Variants in CACNA1E observed in about 807,000 individuals in gnomAD.
CACNA1E encodes the protein calcium voltage-gated channel subunit alpha1 E.
A neutral mutation model predicts 259.2 loss-of-function variants in CACNA1E; 40 were observed. The observed-to-expected ratio is 0.15, with a 90% CI of 0.12 to 0.20. The LOEUF is 0.20. Among genes scored for constraint, CACNA1E ranks in the 10% least tolerant of loss-of-function variants. The pLI, the probability that CACNA1E is intolerant of heterozygous loss-of-function variation, is 1.00. For missense variants in CACNA1E, 1,874 were observed against 3,040.1 expected (o/e 0.62, Z 9.02); for synonymous variants, 1,104 against 1,138.5 (o/e 0.97, Z 0.61).
intron 6 of CACNA1E, among the ~76,000 whole-genome samples, chr1:181,635,726 C>T (rs1013522575): frequency 2.0e-5 from 3 of 152,182 alleles, no homozygotes; most frequent in Admixed American, 1.3e-4. Flanking sequence ...AGAACAACTG[C>T]GCTAGACTAT....
At chr1:181,569,501 A>G (rs1650189743) in intron 3 of CACNA1E, among the ~76,000 whole-genome samples, 1 of 152,246 alleles carries the variant, frequency 6.6e-6, no homozygotes, top group Non-Finnish European at 1.5e-5. Flanking sequence ...AAAAAATAAA[A>G]TGAAGTAAAG....
chr1:181,394,088 AGG>A (rs1487200133), intron 1 of CACNA1E, among the ~76,000 whole-genome samples: 5 of 152,138 alleles, frequency 3.3e-5, no homozygotes, highest in Admixed American at 2.6e-4. Flanking sequence ...GTGGCTTCTC[AGG>A]GGACGGTTGG....
At chr1:181,428,736 G>C (rs752647793) in intron 2 of CACNA1E, among the ~76,000 whole-genome samples, 1 of 152,170 alleles carries the variant, frequency 6.6e-6, no homozygotes, top group Non-Finnish European at 1.5e-5. Flanking sequence ...AAGTTCCTTT[G>C]ATGGGGAGGA....
At chr1:181,724,324 G>C in intron 16 of CACNA1E, 146 bp from the exon 17 acceptor site, 1 of 632,802 alleles carries the variant, frequency 1.6e-6, no homozygotes. Flanking sequence ...CTCCCTCTCT[G>C]TTCTCACAGC....
chr1:181,410,552 T>TAGAC (rs1657773084), intron 1 of CACNA1E, among the ~76,000 whole-genome samples: 1 of 152,186 alleles, frequency 6.6e-6, no homozygotes, highest in Non-Finnish European at 1.5e-5. Context: ...CCCATCAGGC[T>TAGAC]TTATCATGTA....
chr1:181,412,551 C>G (rs1431915803), intron 1 of CACNA1E, among the ~76,000 whole-genome samples: 1 of 151,268 alleles, frequency 6.6e-6, no homozygotes, highest in Non-Finnish European at 1.5e-5. Flanking sequence ...GCCTGGGTGA[C>G]AGATCCTATC....
chr1:181,472,809 G>A (rs901898292), intron 2 of CACNA1E, among the ~76,000 whole-genome samples: 2 of 152,184 alleles, frequency 1.3e-5, no homozygotes, highest in African/African-American at 4.8e-5. Context: ...GTTAAACACC[G>A]TTCTAAATGG....
chr1:181,570,162 G>C (rs1338626776), intron 3 of CACNA1E, among the ~76,000 whole-genome samples: 4 of 148,684 alleles, frequency 2.7e-5, no homozygotes, highest in Non-Finnish European at 5.9e-5. Context: ...AACTGTAGTA[G>C]ACTTTTTTTT....
chr1:181,672,943 C>T (rs1648954205), intron 7 of CACNA1E, among the ~76,000 whole-genome samples: 1 of 152,052 alleles, frequency 6.6e-6, no homozygotes, highest in African/African-American at 2.4e-5. Context: ...TTAACTAGCT[C>T]ACGTATGGGG....
At chr1:181,373,624 G>A (rs1457089475) in intron 1 of CACNA1E, among the ~76,000 whole-genome samples, 1 of 145,336 alleles carries the variant, frequency 6.9e-6, no homozygotes, top group South Asian at 2.2e-4. Context: ...TGCAAGCTCC[G>A]CCTCCCGGGT....
At position 181,674,534 on chromosome 1, in the gene CACNA1E, G is replaced by A. The variant is rs542854730; in HGVS notation, c.1055+23093G>A. On this transcript the variant is annotated intron_variant, in intron 7 of 47. Coordinates refer to ENST00000367573, the MANE Select transcript of CACNA1E (RefSeq NM_001205293.3). Reference sequence around the variant, plus strand: ...AATACTGGATCTCAGTAGCCAGAGGGTCATTCTGTCTTAGAGCCCCTGGAC... The same window carrying A: ...AATACTGGATCTCAGTAGCCAGAGGATCATTCTGTCTTAGAGCCCCTGGAC... Among the ~76,000 whole-genome samples the A allele has an allele frequency of 5.9e-5, 9 of 152,180 alleles. No individual in the cohort carries two copies. The East Asian group carries it at 1.7e-3, about 29-fold the overall frequency.
intron 1 of CACNA1E, among the ~76,000 whole-genome samples, chr1:181,497,707 C>G (rs1026381795): frequency 1.3e-4 from 20 of 152,168 alleles, no homozygotes; most frequent in African/African-American, 4.8e-4. Flanking sequence ...TTCATGCTGC[C>G]TTGGGTTAGA....
intron 46 of CACNA1E, among the ~76,000 whole-genome samples, chr1:181,796,191 C>T (rs1417778400): frequency 6.6e-6 from 1 of 152,166 alleles, no homozygotes; most frequent in Non-Finnish European, 1.5e-5. Flanking sequence ...GCCTTTCTCC[C>T]CTGCTTCCCT....
chr1:181,669,418 C>A (rs932444889), intron 7 of CACNA1E, among the ~76,000 whole-genome samples: 6 of 152,176 alleles, frequency 3.9e-5, no homozygotes, highest in Admixed American at 2.6e-4. Context: ...AATAACCAAC[C>A]CCCACAGCCA....
Position 181,504,666 on chromosome 1 carries a change from C to T in CACNA1E, c.267-5811C>T, listed in dbSNP as rs543228427. 8.5e-5 allele frequency among the ~76,000 whole-genome samples: 13 copies of T among 152,342 alleles called. No homozygotes were observed. The East Asian group carries it at 2.5e-3, about 29-fold the overall frequency. The stretch of plus-strand genomic sequence containing the variant: ...AGGGCTCCGGTGACAGCAGAACCAG[C>T]ATCACCACCCTTGCCCCAGCTTTCT... On this transcript the variant is annotated intron_variant, in intron 1 of 47. Transcript: ENST00000367573.
At chr1:181,768,779 A>G (rs572139342) in intron 35 of CACNA1E, among the ~76,000 whole-genome samples, 1 of 152,362 alleles carries the variant, frequency 6.6e-6, no homozygotes, top group East Asian at 1.9e-4. Flanking sequence ...GGTCTATGAC[A>G]GAGACACAGC....
rs201080304 is a variant in CACNA1E, at chr1:181,651,439, C to A, written c.1053C>A (p.Ser351=). The change falls in exon 7 of 48, where the codon TCC becomes TCA. Residue 351 remains serine (S), a splice_region_variant and synonymous_variant. Coordinates refer to ENST00000367573, the MANE Select transcript of CACNA1E (RefSeq NM_001205293.3). ...FVLNLVLGVL[S]GEFAKERERV... is the part of the protein sequence containing the mutation. Reference sequence around the variant, plus strand: ...TCAACCTAGTCCTGGGAGTGCTTTCCGGGTGAGCCAGATGTTTCTCTCTTC... The same window carrying A: ...TCAACCTAGTCCTGGGAGTGCTTTCAGGGTGAGCCAGATGTTTCTCTCTTC... 1.1e-3 allele frequency: 1,691 copies of A among 1,607,180 alleles called. 2 individuals carry two copies. The highest frequency in any genetic ancestry group is 1.1e-3 in the Non-Finnish European group (1,305 of 1,173,858).
At chr1:181,415,023 C>T (rs540014763) in intron 2 of CACNA1E, among the ~76,000 whole-genome samples, 32 of 152,182 alleles carry the variant, frequency 2.1e-4, no homozygotes, top group Non-Finnish European at 4.0e-4. Flanking sequence ...ATCATGACTT[C>T]GAAAGACAAG....
intron 35 of CACNA1E, among the ~76,000 whole-genome samples, chr1:181,768,808 A>C (rs938822798): frequency 1.3e-5 from 2 of 152,236 alleles, no homozygotes. Context: ...CAAAGCAGAC[A>C]CCTGAGCTTG....
Sources: gnomAD v4.1 joint callset for allele counts (sites outside exome capture counted in the v4.1 genomes callset) on GRCh38, gnomAD v4.1.1 for gene constraint, MANE v1.5 for transcripts, NCBI Gene and HGNC (gene_info 2026-07-23, HGNC 2026-07-21) for gene names.